The following GMDS variants were observed in gnomAD, a reference collection of about 807,000 sequenced individuals.
GMDS encodes GDP-mannose 4,6-dehydratase, also known as GDP-mannose 4,6 dehydratase.
Under a neutral mutation model 49.9 loss-of-function variants are expected in GMDS, and 20 were observed. The observed-to-expected ratio is 0.40, with a 90% CI of 0.28 to 0.58. The LOEUF (loss-of-function observed/expected upper bound fraction) is 0.58. GMDS is among the 20% of genes least tolerant of loss of function. The probability of loss-of-function intolerance (pLI) is 0.42; values close to 1 mark genes in which losing one functional copy is unlikely to be tolerated. For synonymous variants in GMDS, 177 were observed against 178.6 expected, an observed-to-expected ratio of 0.99 and a Z score of 0.07; for missense variants, 362 against 481.4, an observed-to-expected ratio of 0.75 and a Z score of 2.32.
intron 4 of GMDS, among the ~76,000 whole-genome samples, chr6:2,058,183 C>T (rs576497405): frequency 6.6e-6 from 1 of 152,090 alleles, no homozygotes; most frequent in Admixed American, 6.5e-5. Flanking sequence ...CATGATGAAA[C>T]CCTGTCTCCA....
chr6:1,677,083 G>GA (rs1363755814), intron 9 of GMDS, among the ~76,000 whole-genome samples: 4 of 152,108 alleles, frequency 2.6e-5, no homozygotes, highest in Admixed American at 6.5e-5. Context: ...AAATTTACAA[G>GA]AAAAAATCAA....
chr6:2,141,089 T>C (rs1030154220), intron 1 of GMDS, among the ~76,000 whole-genome samples: 1 of 152,172 alleles, frequency 6.6e-6, no homozygotes, highest in African/African-American at 2.4e-5. Flanking sequence ...AGCAGTACCT[T>C]CAAGTAAACG....
chr6:1,857,679 T>C (rs1486351173), intron 7 of GMDS, among the ~76,000 whole-genome samples: 3 of 152,228 alleles, frequency 2.0e-5, no homozygotes, highest in Non-Finnish European at 4.4e-5. Context: ...TTTTGCATTA[T>C]CGAAGAGATA....
chr6:2,240,655 C>A (rs1272075505), intron 1 of GMDS, among the ~76,000 whole-genome samples: 10 of 151,582 alleles, frequency 6.6e-5, no homozygotes, highest in Admixed American at 5.3e-4. Context: ...TAGAAGCTCT[C>A]TGTTGCTTCA....
chr6:1,705,805 G>A (rs1441178048), intron 9 of GMDS, among the ~76,000 whole-genome samples: 1 of 152,176 alleles, frequency 6.6e-6, no homozygotes, highest in African/African-American at 2.4e-5. Flanking sequence ...GGTAGCTTCA[G>A]GAGAGTTTGG....
At chr6:2,021,838 G>A (rs1312816076) in intron 4 of GMDS, among the ~76,000 whole-genome samples, 1 of 152,200 alleles carries the variant, frequency 6.6e-6, no homozygotes, top group Admixed American at 6.5e-5. Context: ...CCCAGCTGGT[G>A]GGGTGGCAAG....
chr6:2,245,559 C>T lies in GMDS; in HGVS notation c.-137G>A, dbSNP rs931463638. On this transcript the variant is annotated 5_prime_UTR_variant, in exon 1 of 11. Transcript: ENST00000380815. ...CAGGGAGGGAGAGCGCACCGCGCGACCGGCCGCCACAGTCTGACAGGGGCG... is the reference window on the plus strand; with the variant it reads ...CAGGGAGGGAGAGCGCACCGCGCGATCGGCCGCCACAGTCTGACAGGGGCG... The T allele has an allele frequency of 6.8e-6, 3 of 442,336 alleles. No homozygotes were observed. Among genetic ancestry groups the T allele is most frequent in the Non-Finnish European group, 1.1e-5 (3 of 262,632 alleles). The allele number at this position is 442,336 out of a possible 1,614,324, so 27.4% of individuals were successfully genotyped here.
intron 9 of GMDS, among the ~76,000 whole-genome samples, chr6:1,632,731 T>C (rs1439828191): frequency 6.6e-6 from 1 of 152,096 alleles, no homozygotes; most frequent in African/African-American, 2.4e-5. Flanking sequence ...TTTAAAAAAT[T>C]AGCTGGGTGT....
chr6:2,065,079 G>A (rs9503087), intron 4 of GMDS, among the ~76,000 whole-genome samples: 9,186 of 151,794 alleles, frequency 0.061, 555 homozygotes, highest in East Asian at 0.14. Context: ...GAGATCTGAG[G>A]ACAGGCAGAC....
At chr6:1,873,173 T>C (rs928053899) in intron 7 of GMDS, among the ~76,000 whole-genome samples, 1 of 152,230 alleles carries the variant, frequency 6.6e-6, no homozygotes, top group Non-Finnish European at 1.5e-5. Context: ...GGGCTGTTGG[T>C]AGAATTAACG....
At chr6:1,938,272 A>G (rs945958880) in intron 6 of GMDS, among the ~76,000 whole-genome samples, 2 of 152,208 alleles carry the variant, frequency 1.3e-5, no homozygotes, top group Non-Finnish European at 2.9e-5. Context: ...TTATAATTTC[A>G]GACTGAAAAT....
chr6:1,654,180 G>A (rs562042931), intron 9 of GMDS, among the ~76,000 whole-genome samples: 13 of 152,294 alleles, frequency 8.5e-5, no homozygotes, highest in South Asian at 4.1e-4. Context: ...CTCTGCAGTC[G>A]TAATGGAAAA....
chr6:1,912,296 G>C (rs576732456), intron 7 of GMDS, among the ~76,000 whole-genome samples: 10 of 152,164 alleles, frequency 6.6e-5, no homozygotes, highest in Non-Finnish European at 1.3e-4. Context: ...ATCCCAGGAG[G>C]CAGAGGTTGC....
At chr6:1,856,939 G>A (rs1757962284) in intron 7 of GMDS, among the ~76,000 whole-genome samples, 2 of 152,222 alleles carry the variant, frequency 1.3e-5, no homozygotes, top group Admixed American at 1.3e-4. Context: ...CACCTTGTGA[G>A]TTTGTAAGTT....
chr6:2,167,298 T>C (rs867501305), intron 1 of GMDS, among the ~76,000 whole-genome samples: 1 of 152,142 alleles, frequency 6.6e-6, no homozygotes, highest in Non-Finnish European at 1.5e-5. Context: ...ATACATTCTA[T>C]CTATTCTGTC....
At position 1,882,404 on chromosome 6, in the gene GMDS, C is replaced by T. The variant is rs369752673; in HGVS notation, c.771+47699G>A. On this transcript the variant is annotated intron_variant, in intron 7 of 10. Transcript: ENST00000380815. Reference sequence around the variant, plus strand: ...ATATATGCGTGTGTGTACATAAGTACAACTGTATACACTCAAATATGAATA... The same window carrying T: ...ATATATGCGTGTGTGTACATAAGTATAACTGTATACACTCAAATATGAATA... Among the ~76,000 whole-genome samples the T allele has an allele frequency of 4.0e-4, 61 of 152,222 alleles. 1 individual carries two copies. In the East Asian group the frequency reaches 8.3e-3, roughly 21 times the overall value.
intron 1 of GMDS, among the ~76,000 whole-genome samples, chr6:2,167,899 C>T (rs1296589805): frequency 1.3e-5 from 2 of 152,180 alleles, no homozygotes; most frequent in African/African-American, 2.4e-5. Context: ...GTGAAACAAC[C>T]GGATTCACAC....
chr6:1,829,588 G>A (rs770528737), intron 7 of GMDS, among the ~76,000 whole-genome samples: 32 of 152,154 alleles, frequency 2.1e-4, no homozygotes, highest in Non-Finnish European at 3.2e-4. Context: ...ACAGGCACAC[G>A]CCACCATGGC....
rs574454827 is a variant in GMDS at position 2,036,028 on chromosome 6, C to T, written c.346-75062G>A. ...ATCCTCTCCACAAGTAATCTCATGTCGCAGGGCAGCCTGGCCTGGGCGACT... is the reference window on the plus strand; with the variant it reads ...ATCCTCTCCACAAGTAATCTCATGTTGCAGGGCAGCCTGGCCTGGGCGACT... On this transcript the variant is annotated intron_variant, in intron 4 of 10. Transcript: ENST00000380815. 1.2e-4 allele frequency among the ~76,000 whole-genome samples: 19 copies of T among 152,216 alleles called. No homozygotes were observed. In the East Asian group the frequency reaches 2.7e-3, roughly 22 times the overall value.
Sources: gnomAD v4.1 joint callset for allele counts (sites outside exome capture counted in the v4.1 genomes callset) on GRCh38, gnomAD v4.1.1 for gene constraint, MANE v1.5 for transcripts, NCBI Gene and HGNC (gene_info 2026-07-23, HGNC 2026-07-21) for gene names.